CYLC1: variants seen among roughly 807,000 people sequenced by gnomAD.
The protein encoded by CYLC1 is cylicin 1.
Under a neutral mutation model 31.6 loss-of-function variants are expected in CYLC1, and 2 were observed. That is an observed-to-expected ratio of 0.06 (90% CI 0.03 to 0.20). The LOEUF (loss-of-function observed/expected upper bound fraction) is 0.20. Among genes scored for constraint, CYLC1 ranks in the 10% least tolerant of loss-of-function variants. CYLC1 has a pLI of 1.00. For synonymous variants in CYLC1, 185 were observed against 153.0 expected, an observed-to-expected ratio of 1.21 and a Z score of -1.54; for missense variants, 595 against 424.1, an observed-to-expected ratio of 1.40 and a Z score of -3.54.
chrX:83,884,419 G>A (rs2031954633), intron 4 of CYLC1, among the ~76,000 whole-genome samples: 2 of 111,167 alleles, frequency 1.8e-5, no homozygotes, highest in African/African-American at 3.3e-5. Context: ...CCATGCAAAA[G>A]CTCTGTAGTT....
chrX:83,865,801 G>T (rs1209506044), intron 1 of CYLC1, among the ~76,000 whole-genome samples: 1 of 111,235 alleles, frequency 9.0e-6, no homozygotes, highest in Non-Finnish European at 1.9e-5. Flanking sequence ...ATAACACTGA[G>T]GACCCACCTG....
chrX:83,885,869 A>C (rs2031975766), intron 4 of CYLC1, among the ~76,000 whole-genome samples: 1 of 110,196 alleles, frequency 9.1e-6, no homozygotes, highest in Non-Finnish European at 1.9e-5. Context: ...TATATAATAT[A>C]TTTGTATAAT....
chrX:83,862,858 C>G (rs1163293827), intron 1 of CYLC1, among the ~76,000 whole-genome samples: 2 of 111,793 alleles, frequency 1.8e-5, no homozygotes, highest in African/African-American at 6.5e-5. Flanking sequence ...TTTCCTGCAG[C>G]CTTCAAGAGG....
chrX:83,886,552 C>G lies in CYLC1; in HGVS notation c.1924C>G (p.Pro642Ala). 8.3e-7 allele frequency: 1 copy of G among 1,207,994 alleles called. No homozygotes were observed. The highest frequency in any genetic ancestry group is 1.1e-6 in the Non-Finnish European group (1 of 892,831). ...PPPKPRYAPLPEAPWIHKLL is the reference protein window; with the variant it reads ...PPPKPRYAPLAEAPWIHKLL ...TGCATTTTTCTACTTTGCTCCTCAG[C>G]CTGAAGCACCGTGGATTCATAAGCT... The change falls in exon 5 of 5, where the codon CCT (proline) becomes GCT (alanine). Residue 642 changes from proline to alanine, a missense_variant and splice_region_variant. Physicochemically the swap from Pro to Ala is conservative, Grantham distance 27. Transcript: ENST00000329312.
At chrX:83,865,667 C>T (rs991187366) in intron 1 of CYLC1, among the ~76,000 whole-genome samples, 1 of 111,418 alleles carries the variant, frequency 9.0e-6, no homozygotes, top group Non-Finnish European at 1.9e-5. Context: ...CCTTTTTTAG[C>T]TTCTTGTGGC....
At position 83,886,660 on chromosome X, in the gene CYLC1, A is replaced by C; in HGVS notation, c.*76A>C. 1 of 886,709 alleles carries C rather than the reference A, an allele frequency of 1.1e-6. No individual in the cohort carries two copies. Among genetic ancestry groups the C allele is most frequent in the Non-Finnish European group, 1.6e-6 (1 of 611,987 alleles). The allele number at this position is 886,709 out of a possible 1,213,427, so 73.1% of individuals were successfully genotyped here. ...CACCTACTCTCAAATGAGCATTTCT[A>C]CCTCTGTGGAACTGAAATAAAAACA... On this transcript the variant is annotated 3_prime_UTR_variant, in exon 5 of 5. Coordinates refer to ENST00000329312, the MANE Select transcript of CYLC1 (RefSeq NM_021118.3).
At chrX:83,875,893 G>T (rs1311130583) in intron 4 of CYLC1, among the ~76,000 whole-genome samples, 1 of 110,392 alleles carries the variant, frequency 9.1e-6, no homozygotes, top group African/African-American at 3.3e-5. Context: ...CCTCTGACCT[G>T]TTAAACTCAC....
intron 2 of CYLC1, 63 bp downstream of exon 2, chrX:83,869,968 G>T: frequency 1.6e-6 from 1 of 643,017 alleles, no homozygotes; most frequent in South Asian, 5.1e-5. Context: ...AGGAACTAAT[G>T]ACAAGTATAT....
chrX:83,871,715 CT>C (rs1244517472), intron 3 of CYLC1, 145 bp downstream of exon 3: 8 of 488,800 alleles, frequency 1.6e-5, no homozygotes, highest in Non-Finnish European at 2.5e-5. Flanking sequence ...CAGACTGCCC[CT>C]ACCTGCTTTA....
chrX:83,877,605 A>G (rs1005001562), intron 4 of CYLC1, among the ~76,000 whole-genome samples: 3 of 107,808 alleles, frequency 2.8e-5, no homozygotes, highest in African/African-American at 6.7e-5. Context: ...TGATTGGAAT[A>G]TTCCTCCCAC....
intron 4 of CYLC1, among the ~76,000 whole-genome samples, chrX:83,881,100 G>C (rs773557183): frequency 9.1e-6 from 1 of 109,966 alleles, no homozygotes; most frequent in East Asian, 2.9e-4. Flanking sequence ...ACTACAAGTT[G>C]ATTCACTGTT....
At chrX:83,877,614 A>G (rs1196205716) in intron 4 of CYLC1, among the ~76,000 whole-genome samples, 1 of 106,896 alleles carries the variant, frequency 9.4e-6, no homozygotes. Flanking sequence ...TATTCCTCCC[A>G]CAGATCTTTG....
At chrX:83,866,124 G>C (rs1477880670) in intron 1 of CYLC1, among the ~76,000 whole-genome samples, 4 of 111,654 alleles carry the variant, frequency 3.6e-5, no homozygotes, top group African/African-American at 1.3e-4. Flanking sequence ...GATTCTGTAA[G>C]TGTTCCATCC....
At chrX:83,883,604 C>T (rs1261845610) in intron 4 of CYLC1, among the ~76,000 whole-genome samples, 1 of 111,517 alleles carries the variant, frequency 9.0e-6, no homozygotes, top group African/African-American at 3.2e-5. Context: ...TATACAAAAC[C>T]AAGAAGCTTT....
At chrX:83,877,141 A>T (rs1217856272) in intron 4 of CYLC1, among the ~76,000 whole-genome samples, 1 of 110,831 alleles carries the variant, frequency 9.0e-6, no homozygotes, top group Admixed American at 9.7e-5. Flanking sequence ...GCCTGGACAT[A>T]ATCTCCTTCT....
Position 83,872,954 on chromosome X carries a change from A to G in CYLC1, c.246A>G (p.Arg82=). ...ATAAATGGATAAGGCATTCTTTCAG[A>G]AAAATTTTGCAATGGCCACCCATTT... The part of the protein sequence containing the change: ...PAHKWIRHSF[R]KILQWPPIYT... The change falls in exon 4 of 5, where the codon AGA becomes AGG. Residue 82 remains arginine (R), a synonymous_variant. Coordinates refer to ENST00000329312, the MANE Select transcript of CYLC1 (RefSeq NM_021118.3). 1 of 1,201,556 alleles carries G rather than the reference A, an allele frequency of 8.3e-7. No homozygotes were observed. The highest frequency in any genetic ancestry group is 1.8e-5 in the South Asian group (1 of 54,591).
At chrX:83,868,049 A>G (rs1224864043) in intron 1 of CYLC1, among the ~76,000 whole-genome samples, 1 of 111,511 alleles carries the variant, frequency 9.0e-6, no homozygotes, top group Non-Finnish European at 1.9e-5. Context: ...CAATAGGACA[A>G]GAAGAAAGTT....
chrX:83,878,729 C>G (rs2031866250), intron 4 of CYLC1, among the ~76,000 whole-genome samples: 1 of 103,970 alleles, frequency 9.6e-6, no homozygotes, highest in Admixed American at 1.1e-4. Context: ...TGAGGGTAGT[C>G]ACAAAAATGC....
intron 1 of CYLC1, among the ~76,000 whole-genome samples, chrX:83,866,409 A>G (rs1453116328): frequency 1.8e-5 from 2 of 111,205 alleles, no homozygotes; most frequent in Non-Finnish European, 3.8e-5. Flanking sequence ...TTTCAGCTCT[A>G]TCCTCAGAGT....
Sources: gnomAD v4.1 joint callset for allele counts (sites outside exome capture counted in the v4.1 genomes callset) on GRCh38, gnomAD v4.1.1 for gene constraint, MANE v1.5 for transcripts, NCBI Gene and HGNC (gene_info 2026-07-23, HGNC 2026-07-21) for gene names.